CFAP47: variants seen among roughly 807,000 people sequenced by gnomAD.
CFAP47 encodes cilia- and flagella-associated protein 47.
Under a neutral mutation model 148.1 loss-of-function variants are expected in CFAP47, and 29 were observed. The observed-to-expected ratio is 0.20, with a 90% CI of 0.15 to 0.27. CFAP47 has a LOEUF of 0.27. CFAP47 is among the 10% of genes least tolerant of loss of function. The pLI, the probability that CFAP47 is intolerant of heterozygous loss-of-function variation, is 1.00. For synonymous variants in CFAP47, 664 were observed against 577.3 expected, an observed-to-expected ratio of 1.15 and a Z score of -2.15; for missense variants, 1,872 against 1,697.5, an observed-to-expected ratio of 1.10 and a Z score of -1.81.
intron 56 of CFAP47, among the ~76,000 whole-genome samples, chrX:36,317,450 C>T (rs1385490044): frequency 3.7e-5 from 4 of 109,458 alleles, no homozygotes; most frequent in African/African-American, 1.3e-4. Flanking sequence ...CACTCTGTCG[C>T]CCAGACTGGA....
chrX:36,275,937 G>C (rs1198783750), intron 49 of CFAP47, among the ~76,000 whole-genome samples: 2 of 110,540 alleles, frequency 1.8e-5, no homozygotes, highest in Non-Finnish European at 3.8e-5. Context: ...GTGTTTCTAA[G>C]AAATTTTCCA....
chrX:36,223,934 A>G (rs1555991147), intron 45 of CFAP47, among the ~76,000 whole-genome samples: 4 of 111,524 alleles, frequency 3.6e-5, no homozygotes. Context: ...TATTATACCC[A>G]CTACCTGGGT....
intron 35 of CFAP47, among the ~76,000 whole-genome samples, chrX:36,139,789 C>A (rs2146832528): frequency 8.9e-6 from 1 of 111,744 alleles, no homozygotes; most frequent in East Asian, 2.8e-4. Context: ...CTTACACCTG[C>A]TGGAGAAATG....
intron 37 of CFAP47, among the ~76,000 whole-genome samples, chrX:36,159,142 T>C (rs5973601): frequency 8.9e-6 from 1 of 111,862 alleles, no homozygotes; most frequent in African/African-American, 3.3e-5. Context: ...GAATGTCCTA[T>C]GAATTTCCCT....
intron 15 of CFAP47, among the ~76,000 whole-genome samples, chrX:35,976,504 A>G (rs1936572658): frequency 8.9e-6 from 1 of 111,854 alleles, no homozygotes; most frequent in Non-Finnish European, 1.9e-5. Flanking sequence ...AACTGTTTCA[A>G]AAAGCCTACT....
intron 35 of CFAP47, among the ~76,000 whole-genome samples, chrX:36,143,451 G>A (rs1052183929): frequency 2.7e-5 from 3 of 111,658 alleles, no homozygotes; most frequent in Non-Finnish European, 5.6e-5. Context: ...TCTAGGCCGG[G>A]CTCAGATCGT....
rs34667862 is a variant in CFAP47 at position 36,141,059 on chromosome X, ATT to A, written c.5535+2611_5535+2612del. Reference sequence around the variant, plus strand: ...ATAGATATTCTAATTTTGTCCTTAAATTTTTTTTTTTTTTTTTAATCACTTGT... The same window carrying A: ...ATAGATATTCTAATTTTGTCCTTAAATTTTTTTTTTTTTTTAATCACTTGT... On this transcript the variant is annotated intron_variant, in intron 35 of 63. Coordinates refer to ENST00000378653, the MANE Select transcript of CFAP47 (RefSeq NM_001304548.2). Among the ~76,000 whole-genome samples the A allele has an allele frequency of 3.6e-3, 331 of 91,870 alleles. 2 individuals carry two copies. The highest frequency in any genetic ancestry group is 0.027 in the Middle Eastern group (5 of 182). The allele number at this position is 91,870 out of a possible 115,157, so 79.8% of individuals were successfully genotyped here.
intron 33 of CFAP47, among the ~76,000 whole-genome samples, chrX:36,124,065 G>A (rs1196573128): frequency 9.0e-6 from 1 of 111,421 alleles, no homozygotes; most frequent in African/African-American, 3.3e-5. Context: ...GGCTCTGGAT[G>A]TGTCTAGAAG....
At position 36,138,330 on chromosome X, in the gene CFAP47, A is replaced by ATTT. The variant is rs376682738; in HGVS notation, c.5419-7_5419-5dup. On this transcript the variant is annotated splice_polypyrimidine_tract_variant and intron_variant, in intron 34 of 63. Transcript: ENST00000378653. ...TTTTATTCCATTACCAAAAGGTTTG[A>ATTT]TTTTTTTTTTTTTACAGATTGAGTC... 10 of 871,408 alleles carry ATTT rather than the reference A, an allele frequency of 1.1e-5. No homozygotes were observed. The highest frequency in any genetic ancestry group is 6.2e-5 in the South Asian group (2 of 32,130). 71.8% of individuals were successfully genotyped at this position (871,408 alleles called of 1,213,427 possible). A position where few individuals can be genotyped will look rare whatever the true frequency, so the allele number is the denominator to read the frequency against.
intron 46 of CFAP47, among the ~76,000 whole-genome samples, chrX:36,234,533 T>C (rs1315184990): frequency 3.6e-5 from 4 of 111,754 alleles, no homozygotes; most frequent in Non-Finnish European, 5.6e-5. Flanking sequence ...TTTTTCAAAG[T>C]TTTCAACTTC....
chrX:35,997,415 T>C (rs1936861255), intron 19 of CFAP47, 26 bp downstream of exon 19: 6 of 291,750 alleles, frequency 2.1e-5, no homozygotes, highest in Non-Finnish European at 3.6e-5. Flanking sequence ...ATTTGTGTGA[T>C]GAAACTCTGA....
At chrX:36,142,362 AT>A (rs986145047) in intron 35 of CFAP47, among the ~76,000 whole-genome samples, 13 of 111,085 alleles carry the variant, frequency 1.2e-4, no homozygotes, top group Non-Finnish European at 2.1e-4. Context: ...GATTTTTATG[AT>A]TTTTTTGTTT....
chrX:36,197,489 T>G (rs1939932413), intron 42 of CFAP47, among the ~76,000 whole-genome samples: 1 of 112,166 alleles, frequency 8.9e-6, no homozygotes, highest in Admixed American at 9.5e-5. Flanking sequence ...GTTATCTAAT[T>G]TCGTTGTTTT....
chrX:36,341,961 T>C (rs1602116907), intron 57 of CFAP47, among the ~76,000 whole-genome samples: 1 of 111,004 alleles, frequency 9.0e-6, no homozygotes, highest in East Asian at 2.8e-4. Flanking sequence ...AATCTATCAG[T>C]AGTTAAATTA....
chrX:36,060,071 T>C (rs1601953413), intron 26 of CFAP47, among the ~76,000 whole-genome samples: 1 of 111,503 alleles, frequency 9.0e-6, no homozygotes, highest in African/African-American at 3.3e-5. Context: ...AAGCATATAC[T>C]GTTTCCATGC....
intron 28 of CFAP47, among the ~76,000 whole-genome samples, chrX:36,072,280 T>C (rs186134225): frequency 8.9e-6 from 1 of 112,167 alleles, no homozygotes; most frequent in Admixed American, 9.5e-5. Context: ...GTAGTACTTA[T>C]GTGCTGTCTA....
At chrX:36,383,779 G>A (rs5972044) in intron 63 of CFAP47, among the ~76,000 whole-genome samples, 34,549 of 110,182 alleles carry the variant, frequency 0.31, 6,761 homozygotes, top group African/African-American at 0.73. Context: ...AGCTCAGAGC[G>A]TTGCAATATT....
chrX:36,314,150 T>C (rs1556010485), intron 56 of CFAP47, among the ~76,000 whole-genome samples: 2 of 111,491 alleles, frequency 1.8e-5, no homozygotes, highest in African/African-American at 6.5e-5. Flanking sequence ...AGACAGAGAA[T>C]TGGGCAATCC....
At chrX:35,995,361 G>A (rs1449218156) in intron 18 of CFAP47, among the ~76,000 whole-genome samples, 3 of 111,674 alleles carry the variant, frequency 2.7e-5, no homozygotes, top group Non-Finnish European at 5.6e-5. Context: ...TAAGAGGTAG[G>A]AGTTTTAACT....
Sources: allele counts gnomAD v4.1 joint callset (sites outside exome capture counted in the v4.1 genomes callset), GRCh38; gene constraint gnomAD v4.1.1; transcripts MANE v1.5; gene names NCBI Gene and HGNC (gene_info 2026-07-23, HGNC 2026-07-21).